UCHL3: variants seen among roughly 807,000 people sequenced by gnomAD.
The protein encoded by UCHL3 is ubiquitin carboxyl-terminal hydrolase isozyme L3.
In UCHL3, 22 loss-of-function variants were observed where a neutral mutation model predicts 35.8. That is an observed-to-expected ratio of 0.61 (90% CI 0.44 to 0.88). The LOEUF (loss-of-function observed/expected upper bound fraction) is 0.88, where lower values mean the gene tolerates loss of function less well. Ranked by LOEUF, UCHL3 falls within the 40% of genes least tolerant of loss-of-function variation. The pLI, the probability that UCHL3 is intolerant of heterozygous loss-of-function variation, is 0.00. For missense variants in UCHL3, 229 were observed against 276.9 expected (o/e 0.83, Z 1.23); for synonymous variants, 90 against 92.8 (o/e 0.97, Z 0.17).
chr13:75,593,685 A>G (rs980934666), intron 6 of UCHL3, among the ~76,000 whole-genome samples: 4 of 152,210 alleles, frequency 2.6e-5, no homozygotes, highest in African/African-American at 9.7e-5. Context: ...GGCTTGCCAC[A>G]TCAGTTTATG....
chr13:75,564,619 C>G (rs2031626915), intron 3 of UCHL3, among the ~76,000 whole-genome samples: 1 of 152,168 alleles, frequency 6.6e-6, no homozygotes, highest in African/African-American at 2.4e-5. Context: ...CAACAGTGCA[C>G]TTGGGTTCCC....
chr13:75,554,088 T>C (rs926753299), intron 2 of UCHL3, among the ~76,000 whole-genome samples: 5 of 152,210 alleles, frequency 3.3e-5, no homozygotes, highest in African/African-American at 1.2e-4. Context: ...GACAGGGTCT[T>C]GTTCTATCTC....
At chr13:75,553,687 C>G (rs2031193232) in intron 2 of UCHL3, among the ~76,000 whole-genome samples, 1 of 152,166 alleles carries the variant, frequency 6.6e-6, no homozygotes, top group Non-Finnish European at 1.5e-5. Context: ...ATAGATGACC[C>G]CATGTTCCTT....
intron 6 of UCHL3, among the ~76,000 whole-genome samples, chr13:75,581,678 C>T (rs2032191528): frequency 6.9e-6 from 1 of 145,416 alleles, no homozygotes; most frequent in African/African-American, 2.5e-5. Context: ...CTTAGGCAGA[C>T]CCTCTGCTTT....
intron 2 of UCHL3, among the ~76,000 whole-genome samples, chr13:75,550,968 G>C (rs2031082890): frequency 6.6e-6 from 1 of 152,142 alleles, no homozygotes; most frequent in South Asian, 2.1e-4. Flanking sequence ...GTTAGCTTTA[G>C]GTTTTTGGTA....
chr13:75,579,001 T>G (rs1034756328), intron 6 of UCHL3, among the ~76,000 whole-genome samples: 8 of 152,136 alleles, frequency 5.3e-5, no homozygotes, highest in African/African-American at 1.7e-4. Flanking sequence ...ATATGTATAG[T>G]TGCATGGCTT....
intron 2 of UCHL3, among the ~76,000 whole-genome samples, chr13:75,554,499 G>T (rs1170215177): frequency 2.0e-4 from 31 of 152,258 alleles, no homozygotes; most frequent in East Asian, 5.8e-4. Context: ...TCTTGCAAAG[G>T]CTATTCCAAA....
chr13:75,578,918 G>T (rs7317893), intron 6 of UCHL3, among the ~76,000 whole-genome samples: 87,257 of 151,892 alleles, frequency 0.57, 26,879 homozygotes, highest in Non-Finnish European at 0.69. Flanking sequence ...AGAATCTACT[G>T]GGCTTTTTTG....
chr13:75,554,635 T>G (rs1463079040), intron 2 of UCHL3, among the ~76,000 whole-genome samples: 1 of 152,226 alleles, frequency 6.6e-6, no homozygotes, highest in Non-Finnish European at 1.5e-5. Context: ...CCCTAAAATC[T>G]AATTTCCATA....
intron 3 of UCHL3, among the ~76,000 whole-genome samples, chr13:75,566,163 C>T (rs7358977): frequency 0.58 from 87,531 of 152,040 alleles, 27,018 homozygotes; most frequent in Non-Finnish European, 0.69. Flanking sequence ...AGTTTTTGCA[C>T]ACCCTTTCAG....
In UCHL3 at chr13:75,605,773, T is replaced by G. The variant is rs760310101; in HGVS notation, c.654T>G (p.Asp218Glu). 39 of 1,613,974 alleles carry G rather than the reference T, an allele frequency of 2.4e-5. No homozygotes were observed. Among genetic ancestry groups the G allele is most frequent in the Non-Finnish European group, 3.1e-5 (36 of 1,180,010 alleles). ...VCKKFMERDP[D>E]ELRFNAIALS... Reference sequence around the variant, plus strand: ...AGAAGTTTATGGAGCGCGACCCTGATGAACTAAGATTTAATGCGATTGCTC... The same window carrying G: ...AGAAGTTTATGGAGCGCGACCCTGAGGAACTAAGATTTAATGCGATTGCTC... The change falls in exon 9 of 9, where the codon GAT becomes GAG. Residue 218 changes from aspartate (D) to glutamate (E), a missense_variant. Transcript: ENST00000377595.
chr13:75,581,496 T>C (rs1307376806), intron 6 of UCHL3, among the ~76,000 whole-genome samples: 1 of 149,886 alleles, frequency 6.7e-6, no homozygotes, highest in African/African-American at 2.5e-5. Context: ...ACCACAGGCA[T>C]GTACCATCAC....
chr13:75,597,511 A>G (rs1360076090), intron 7 of UCHL3, among the ~76,000 whole-genome samples: 1 of 152,262 alleles, frequency 6.6e-6, no homozygotes, highest in Non-Finnish European at 1.5e-5. Context: ...TACCAATACA[A>G]CAATAAAAAA....
chr13:75,567,752 T>G (rs1390529786), intron 5 of UCHL3, among the ~76,000 whole-genome samples: 1 of 152,098 alleles, frequency 6.6e-6, no homozygotes, highest in Non-Finnish European at 1.5e-5. Context: ...TTTGCCATGT[T>G]GGTCAGGCTG....
intron 6 of UCHL3, among the ~76,000 whole-genome samples, chr13:75,585,646 G>A (rs112780059): frequency 1.3e-4 from 20 of 152,028 alleles, no homozygotes; most frequent in African/African-American, 4.8e-4. Flanking sequence ...TTACATTTCA[G>A]TAAAAGATGA....
intron 2 of UCHL3, among the ~76,000 whole-genome samples, chr13:75,553,345 G>T (rs775977662): frequency 6.6e-6 from 1 of 152,080 alleles, no homozygotes; most frequent in Non-Finnish European, 1.5e-5. Context: ...CCATTTCGTA[G>T]TAACTTTTTT....
intron 6 of UCHL3, among the ~76,000 whole-genome samples, chr13:75,580,311 T>C (rs2032142919): frequency 6.6e-6 from 1 of 152,238 alleles, no homozygotes; most frequent in Non-Finnish European, 1.5e-5. Flanking sequence ...TGTAATCCAA[T>C]GTATTACACT....
intron 8 of UCHL3, 64 bp from the exon 9 acceptor site, chr13:75,605,665 G>A: frequency 6.8e-7 from 1 of 1,470,630 alleles, no homozygotes; most frequent in Non-Finnish European, 9.4e-7. Context: ...AATATGAAAT[G>A]TTTATCATTT....
intron 7 of UCHL3, among the ~76,000 whole-genome samples, chr13:75,599,363 C>T (rs2032722532): frequency 6.6e-6 from 1 of 151,952 alleles, no homozygotes; most frequent in Admixed American, 6.6e-5. Flanking sequence ...GTAGAATTTC[C>T]TCATTTTAAG....
Sources: gnomAD v4.1 joint callset for allele counts (sites outside exome capture counted in the v4.1 genomes callset) on GRCh38, gnomAD v4.1.1 for gene constraint, MANE v1.5 for transcripts, NCBI Gene and HGNC (gene_info 2026-07-23, HGNC 2026-07-21) for gene names.